RAB37: variants seen among roughly 807,000 people sequenced by gnomAD.
RAB37 encodes the protein ras-related protein Rab-37.
A neutral mutation model predicts 33.1 loss-of-function variants in RAB37; 29 were observed. The ratio of observed to expected loss-of-function variants is 0.88; its 90% CI spans 0.65 to 1.20. The LOEUF (loss-of-function observed/expected upper bound fraction) is 1.20, where lower values mean the gene tolerates loss of function less well. Ranked by LOEUF, RAB37 falls within the 50% of genes most tolerant of loss-of-function variation. The pLI is 0.00. For missense variants in RAB37, 299 were observed against 301.1 expected (o/e 0.99, Z 0.05); for synonymous variants, 128 against 119.5 (o/e 1.07, Z -0.47).
At chr17:74,736,661 CCATACT>C, upstream of RAB37, 5 of 1,535,614 alleles carry the variant, frequency 3.3e-6, no homozygotes, top group Non-Finnish European at 3.5e-6. Context: ...GAGAGGTGAT[CCATACT>C]AAAGGGTCAA....
chr17:74,705,064 T>C lies in RAB37; in HGVS notation c.73-24192T>C. 3 of 619,062 alleles carry C rather than the reference T, an allele frequency of 4.8e-6. No individual in the cohort carries two copies. The East Asian group carries it at 8.3e-5, about 17-fold the overall frequency. 38.3% of individuals were successfully genotyped at this position (619,062 alleles called of 1,614,324 possible). On this transcript the variant is annotated intron_variant, in intron 1 of 7. Transcript: ENST00000340415. ...AAATATTGGCATAAGCAATAATAAC[T>C]TCCTGCAGTTCACCCCTCTCTCCAC...
At chr17:74,685,688 G>T (rs952213062) in intron 1 of RAB37, among the ~76,000 whole-genome samples, 1 of 152,084 alleles carries the variant, frequency 6.6e-6, no homozygotes, top group Non-Finnish European at 1.5e-5. Context: ...GATTCCCAAG[G>T]TCCTTAGGAA....
At chr17:74,684,515 C>CGGTG (rs1161536967) in intron 1 of RAB37, among the ~76,000 whole-genome samples, 1 of 151,886 alleles carries the variant, frequency 6.6e-6, no homozygotes, top group Non-Finnish European at 1.5e-5. Flanking sequence ...GGACTGCGCA[C>CGGTG]GGTGGCTTAC....
chr17:74,684,030 G>A (rs1325537833), intron 1 of RAB37, among the ~76,000 whole-genome samples: 1 of 152,128 alleles, frequency 6.6e-6, no homozygotes, highest in Non-Finnish European at 1.5e-5. Context: ...TGAGCATTGT[G>A]CTGAAAAAAC....
Position 74,742,347 on chromosome 17 carries a change from T to C in RAB37, c.246+52T>C, listed in dbSNP as rs1481700212. On this transcript the variant is annotated intron_variant, in intron 3 of 8. Transcript: ENST00000392613. The surrounding 1 kb of genome is among the most constrained non-coding windows in gnomAD (Gnocchi z 4.0). ...GGGAGGATGGAGGACCTGCCCTTCC[T>C]TCTCACCCTGAACCACAGGAGGCCT... 1 of 1,472,806 alleles carries C rather than the reference T, an allele frequency of 6.8e-7. No homozygotes were observed. The highest frequency in any genetic ancestry group is 1.8e-5 in the Admixed American group (1 of 56,604). 91.2% of individuals were successfully genotyped at this position (1,472,806 alleles called of 1,614,324 possible). A position where few individuals can be genotyped will look rare whatever the true frequency, so the allele number is the denominator to read the frequency against.
chr17:74,724,017 G>C (rs1057052654), intron 1 of RAB37, among the ~76,000 whole-genome samples: 4 of 152,180 alleles, frequency 2.6e-5, no homozygotes, highest in African/African-American at 9.6e-5. Context: ...GCAGCTGTTG[G>C]GTGGCGAGAG....
chr17:74,688,652 G>A (rs1172676443), intron 1 of RAB37, among the ~76,000 whole-genome samples: 7 of 151,720 alleles, frequency 4.6e-5, no homozygotes, highest in Non-Finnish European at 1.0e-4. Context: ...AAAAGAGAAC[G>A]GTTATCTCTA....
chr17:74,740,855 G>A lies in RAB37; in HGVS notation c.181G>A (p.Ala61Thr). ...DGAFLSGTFI[A>T]TVGIDFRNKV... ...GGCCTTCCTGTCCGGAACCTTCATA[G>A]CCACCGTCGGCATAGACTTCAGGGT... The change falls in exon 2 of 9, where the codon GCC becomes ACC. Residue 61 changes from alanine to threonine, a missense_variant. Transcript: ENST00000392613. 2 of 1,613,636 alleles carry A rather than the reference G, an allele frequency of 1.2e-6. No individual in the cohort carries two copies. Among genetic ancestry groups the A allele is most frequent in the South Asian group, 1.1e-5 (1 of 91,078 alleles).
upstream of RAB37, chr17:74,736,778 C>G: frequency 6.5e-7 from 1 of 1,535,632 alleles, no homozygotes. Flanking sequence ...GAGCTCGGGC[C>G]GGGTGACTTA....
At chr17:74,698,463 G>A in intron 1 of RAB37, 10 of 1,613,804 alleles carry the variant, frequency 6.2e-6, no homozygotes, top group Non-Finnish European at 8.5e-6. Context: ...GGAGGACACT[G>A]AGCTTCAGGA....
At chr17:74,687,207 ATTTTAT>A (rs1567776336) in intron 1 of RAB37, among the ~76,000 whole-genome samples, 2 of 151,186 alleles carry the variant, frequency 1.3e-5, no homozygotes, top group Non-Finnish European at 3.0e-5. Context: ...TTATTTATTT[ATTTTAT>A]TTTTATTTAT....
intron 1 of RAB37, among the ~76,000 whole-genome samples, chr17:74,728,665 T>C (rs914070942): frequency 6.6e-6 from 1 of 151,820 alleles, no homozygotes; most frequent in African/African-American, 2.4e-5. Flanking sequence ...GCTCTGTGTA[T>C]GCATATGTTT....
intron 1 of RAB37, among the ~76,000 whole-genome samples, chr17:74,678,232 A>G (rs1005361357): frequency 6.6e-6 from 1 of 152,146 alleles, no homozygotes; most frequent in Non-Finnish European, 1.5e-5. Flanking sequence ...GTGGCCCTGG[A>G]CATCCTCCTA....
At position 74,745,335 on chromosome 17, in the gene RAB37, C is replaced by T. The variant is rs748698308; in HGVS notation, c.596C>T (p.Ala199Val). Reference protein sequence around the residue: ...KELKYRAGHQADEPSFQIRDY... With the variant: ...KELKYRAGHQVDEPSFQIRDY... ...CTGAAATACCGGGCCGGGCATCAGG[C>T]GGATGAGCCCAGCTTCCAGATCCGA... The change falls in exon 9 of 9, where the codon GCG becomes GTG. Residue 199 changes from alanine to valine, a missense_variant. Coordinates refer to ENST00000392613, the MANE Select transcript of RAB37 (RefSeq NM_001006638.3). The surrounding 1 kb of genome is among the most constrained non-coding windows in gnomAD (Gnocchi z 4.5). 1.9e-6 allele frequency: 3 copies of T among 1,614,122 alleles called. No individual in the cohort carries two copies. Among genetic ancestry groups the T allele is most frequent in the East Asian group, 2.2e-5 (1 of 44,888 alleles).
intron 1 of RAB37, among the ~76,000 whole-genome samples, chr17:74,683,498 CA>C (rs540958059): frequency 2.0e-5 from 3 of 152,294 alleles, no homozygotes; most frequent in African/African-American, 7.2e-5. Flanking sequence ...CAAACAAGGC[CA>C]ACTTTATGAG....
Position 74,743,118 on chromosome 17 carries a change from T to C in RAB37, c.247-11T>C, listed in dbSNP as rs1434135640. ...TCCTTCTGACCATTTCTCCATCCCATCCCTTCCCAGATCTGGGACACCGCT... is the reference window on the plus strand; with the variant it reads ...TCCTTCTGACCATTTCTCCATCCCACCCCTTCCCAGATCTGGGACACCGCT... On this transcript the variant is annotated splice_polypyrimidine_tract_variant and intron_variant, in intron 3 of 8. Coordinates refer to ENST00000392613, the MANE Select transcript of RAB37 (RefSeq NM_001006638.3). 6.2e-7 allele frequency: 1 copy of C among 1,611,350 alleles called. No individual in the cohort carries two copies. Among genetic ancestry groups the C allele is most frequent in the East Asian group, 2.2e-5 (1 of 44,782 alleles).
chr17:74,702,480 C>T (rs2033144023), intron 1 of RAB37, among the ~76,000 whole-genome samples: 1 of 152,166 alleles, frequency 6.6e-6, no homozygotes, highest in Non-Finnish European at 1.5e-5. Context: ...ACAGGAAAGC[C>T]TTTTGTGAGC....
chr17:74,673,400 C>T (rs1400584524), intron 1 of RAB37, among the ~76,000 whole-genome samples: 1 of 102,258 alleles, frequency 9.8e-6, no homozygotes, highest in Non-Finnish European at 2.1e-5. Context: ...AAAGCAAGAC[C>T]TTGTCTCAAA....
chr17:74,695,716 A>G (rs1432207534), intron 1 of RAB37: 11 of 1,614,010 alleles, frequency 6.8e-6, no homozygotes, highest in Non-Finnish European at 9.3e-6. Context: ...GCCCCCATGG[A>G]GGACGCACCA....
Sources: gnomAD v4.1 joint callset for allele counts (sites outside exome capture counted in the v4.1 genomes callset) on GRCh38, gnomAD v4.1.1 for gene constraint, Gnocchi (gnomAD v3.1) non-coding constraint, MANE v1.5 for transcripts, NCBI Gene and HGNC (gene_info 2026-07-23, HGNC 2026-07-21) for gene names.